Variants in COPZ2 observed in about 807,000 individuals in gnomAD.
The protein encoded by COPZ2 is coatomer subunit zeta-2.
COPZ2 carries 30 observed loss-of-function variants against 33.2 expected under a neutral mutation model. That is an observed-to-expected ratio of 0.90 (90% confidence interval 0.68 to 1.23). The LOEUF is 1.23. COPZ2 is among the 50% of genes most tolerant of loss of function. The pLI is 0.00. For missense variants in COPZ2, 263 were observed against 262.4 expected (o/e 1.00, Z -0.02); for synonymous variants, 89 against 102.6 (o/e 0.87, Z 0.80).
intron 6 of COPZ2, 48 bp from the exon 7 acceptor site, chr17:48,029,224 T>C (rs918489542): frequency 1.3e-6 from 2 of 1,514,128 alleles, no homozygotes; most frequent in Non-Finnish European, 1.8e-6. Context: ...GGCACAATCC[T>C]CCCCTCCGCC....
chr17:48,034,941 G>A (rs535320493), intron 2 of COPZ2, among the ~76,000 whole-genome samples: 34 of 152,162 alleles, frequency 2.2e-4, no homozygotes, highest in South Asian at 1.5e-3. Context: ...AGCTGAGATC[G>A]CGCCACTGAA....
upstream of COPZ2, among the ~76,000 whole-genome samples, chr17:48,040,634 T>C (rs2037052852): frequency 6.6e-6 from 1 of 151,006 alleles, no homozygotes; most frequent in African/African-American, 2.4e-5. Context: ...GGTTTCACCA[T>C]GTTGGCCAGG....
At chr17:48,039,291 T>A (rs1416589673), upstream of COPZ2, among the ~76,000 whole-genome samples, 1 of 151,460 alleles carries the variant, frequency 6.6e-6, no homozygotes, top group African/African-American at 2.4e-5. Context: ...GGCAACATGG[T>A]AAGATCTAGT....
upstream of COPZ2, among the ~76,000 whole-genome samples, chr17:48,038,199 A>G (rs2037023554): frequency 2.0e-5 from 3 of 152,240 alleles, no homozygotes; most frequent in Middle Eastern, 6.8e-3. Flanking sequence ...GTCACCCTTT[A>G]GATCTCAGGG....
chr17:48,044,208 G>T, the COPZ2 span, among the ~76,000 whole-genome samples: 1 of 152,010 alleles, frequency 6.6e-6, no homozygotes, highest in East Asian at 1.9e-4. Flanking sequence ...TTAGCCAAGC[G>T]TGGTGGTGTG....
At chr17:48,046,145 G>A in the COPZ2 span, 4 of 152,208 alleles carry the variant, frequency 2.6e-5, no homozygotes, top group Non-Finnish European at 5.9e-5. Context: ...TGGCTAAGCA[G>A]GAAACTCCAC....
At chr17:48,043,923 C>T in the COPZ2 span, among the ~76,000 whole-genome samples, 3 of 152,132 alleles carry the variant, frequency 2.0e-5, no homozygotes, top group Non-Finnish European at 4.4e-5. Context: ...TTTGAGACAA[C>T]ATAGCAAGAC....
Position 48,028,358 on chromosome 17 carries a change from CCT to C in COPZ2, c.585+112_585+113del, listed in dbSNP as rs2036844688. On this transcript the variant is annotated intron_variant, in intron 8 of 8. Coordinates refer to ENST00000621465, the MANE Select transcript of COPZ2 (RefSeq NM_016429.4). The surrounding 1 kb of genome is among the most constrained non-coding windows in gnomAD (Gnocchi z 4.5). ...CTGCCTCATCCCTTCCCTTCTCACCCCTGATTTTTCAGACTTGATAACTTCAC... is the reference window on the plus strand; with the variant it reads ...CTGCCTCATCCCTTCCCTTCTCACCCGATTTTTCAGACTTGATAACTTCAC... 2.2e-5 allele frequency: 24 copies of C among 1,093,408 alleles called. No individual in the cohort carries two copies. The South Asian group carries it at 2.6e-4, about 12-fold the overall frequency. The allele number at this position is 1,093,408 out of a possible 1,614,324, so 67.7% of individuals were successfully genotyped here.
intron 2 of COPZ2, among the ~76,000 whole-genome samples, chr17:48,034,722 C>A (rs1157033432): frequency 6.6e-6 from 1 of 152,126 alleles, no homozygotes; most frequent in Non-Finnish European, 1.5e-5. Flanking sequence ...GTGGCTCATG[C>A]CTGTAATCTC....
intron 2 of COPZ2, 84 bp from the exon 3 acceptor site, chr17:48,034,028 G>A (rs564657179): frequency 6.4e-5 from 61 of 948,982 alleles, no homozygotes; most frequent in Middle Eastern, 5.4e-4. Context: ...AAGAGTAGGC[G>A]CTGGGCAAGC....
chr17:48,034,218 C>A (rs1302320816), intron 2 of COPZ2, among the ~76,000 whole-genome samples: 2 of 152,244 alleles, frequency 1.3e-5, no homozygotes, highest in Non-Finnish European at 2.9e-5. Context: ...AAGCAATTCT[C>A]CTGCCTCAGC....
rs1598256992 is a variant in COPZ2 at position 48,028,988 on chromosome 17, C to G, written c.546+137G>C. The G allele has an allele frequency of 8.1e-6, 6 of 737,604 alleles. No homozygotes were observed. The highest frequency in any genetic ancestry group is 1.4e-5 in the Non-Finnish European group (6 of 442,502). The allele number at this position is 737,604 out of a possible 1,614,324, so 45.7% of individuals were successfully genotyped here. A position where few individuals can be genotyped will look rare whatever the true frequency, so the allele number is the denominator to read the frequency against. ...CCCAGAAACTGCTGCTCATCTCACC[C>G]CTAACAAGTGTGTCAGCCCAGTGGT... On this transcript the variant is annotated intron_variant, in intron 7 of 8. Coordinates refer to ENST00000621465, the MANE Select transcript of COPZ2 (RefSeq NM_016429.4). The surrounding 1 kb of genome is among the most constrained non-coding windows in gnomAD (Gnocchi z 4.5).
rs531616933 is a variant in COPZ2 at position 48,034,900 on chromosome 17, C to T, written c.187-956G>A. 1.2e-4 allele frequency among the ~76,000 whole-genome samples: 19 copies of T among 152,148 alleles called. No individual in the cohort carries two copies. In the South Asian group the frequency reaches 2.5e-3, roughly 20 times the overall value. On this transcript the variant is annotated intron_variant, in intron 2 of 8. Coordinates refer to ENST00000621465, the MANE Select transcript of COPZ2 (RefSeq NM_016429.4). Reference sequence around the variant, plus strand: ...ACTTGGGAGGGTGAGGCAGGAGAATCGCTTGAACCCGGGAGGCGGAGGTTG... The same window carrying T: ...ACTTGGGAGGGTGAGGCAGGAGAATTGCTTGAACCCGGGAGGCGGAGGTTG...
At position 48,037,001 on chromosome 17, in the gene COPZ2, C is replaced by G; in HGVS notation, c.112-76G>C. On this transcript the variant is annotated intron_variant, in intron 1 of 8. Coordinates refer to ENST00000621465, the MANE Select transcript of COPZ2 (RefSeq NM_016429.4). This position sits in a 1 kb window ranked among gnomAD's most constrained non-coding sequence, Gnocchi z 5.6. ...CCTGTGTCTATGGGATCTGCTGGCC[C>G]TAGGATACATCCTCAGGCCCCAGCA... is the stretch of plus-strand genomic sequence containing the variant. 2 of 1,292,986 alleles carry G rather than the reference C, an allele frequency of 1.5e-6. No individual in the cohort carries two copies. Among genetic ancestry groups the G allele is most frequent in the East Asian group, 2.3e-5 (1 of 43,026 alleles). 80.1% of individuals were successfully genotyped at this position (1,292,986 alleles called of 1,614,324 possible).
At chr17:48,038,748 C>T (rs2037030524), upstream of COPZ2, among the ~76,000 whole-genome samples, 1 of 152,110 alleles carries the variant, frequency 6.6e-6, no homozygotes, top group South Asian at 2.1e-4. Flanking sequence ...CTCTTCAAGC[C>T]CTCTTATGTT....
chr17:48,045,345 G>C, the COPZ2 span: 1 of 152,344 alleles, frequency 6.6e-6, no homozygotes, highest in East Asian at 1.9e-4. Flanking sequence ...CAATTTCACT[G>C]TTCCAGAAGA....
At chr17:48,038,296 C>T (rs1263075255), upstream of COPZ2, among the ~76,000 whole-genome samples, 1 of 152,188 alleles carries the variant, frequency 6.6e-6, no homozygotes, top group Admixed American at 6.6e-5. Flanking sequence ...TCACTACTTG[C>T]AGAAGGCAAC....
the COPZ2 span, chr17:48,043,469 G>C: frequency 1.0e-6 from 1 of 963,748 alleles, no homozygotes. Flanking sequence ...TTAATGTCAA[G>C]AGGGGGAGGT....
chr17:48,047,956 AC>A, the COPZ2 span: 1 of 152,240 alleles, frequency 6.6e-6, no homozygotes, highest in Admixed American at 6.5e-5. Context: ...GCGGCGATAC[AC>A]CTTCCTATTC....
Sources: allele counts gnomAD v4.1 joint callset (sites outside exome capture counted in the v4.1 genomes callset), GRCh38; gene constraint gnomAD v4.1.1; non-coding constraint Gnocchi (gnomAD v3.1); transcripts MANE v1.5; gene names NCBI Gene and HGNC (gene_info 2026-07-23, HGNC 2026-07-21).